Variants in SPTB observed in about 807,000 individuals in gnomAD.
The protein encoded by SPTB is spectrin beta chain, erythrocytic.
Under a neutral mutation model 256.2 loss-of-function variants are expected in SPTB, and 45 were observed. The observed-to-expected ratio is 0.18, with a 90% CI of 0.14 to 0.23. The LOEUF is 0.23. Ranked by LOEUF, SPTB falls within the 10% of genes least tolerant of loss-of-function variation. The pLI is 1.00. For synonymous variants in SPTB, 1,231 were observed against 1,243.1 expected (o/e 0.99, Z 0.21); for missense variants, 2,715 against 3,040.4 (o/e 0.89, Z 2.52).
At chr14:64,766,504 C>A in intron 32 of SPTB, 1 of 1,455,076 alleles carries the variant, frequency 6.9e-7, no homozygotes, top group East Asian at 2.5e-5. Context: ...CCTGTTTCCT[C>A]TGCGCTGTGG....
rs1024221203 is a variant in SPTB at position 64,822,929 on chromosome 14, T to C, written c.148+18A>G. ...GACTGTGAGAATGCCCTCCAACCCT[T>C]GTGGCCCCAAACAGTACCTGCCAAG... is the stretch of plus-strand genomic sequence containing the variant. On this transcript the variant is annotated intron_variant, in intron 2 of 35. Transcript: ENST00000644917. 1 of 1,612,830 alleles carries C rather than the reference T, an allele frequency of 6.2e-7. No individual in the cohort carries two copies. The highest frequency in any genetic ancestry group is 1.7e-5 in the Admixed American group (1 of 60,030).
chr14:64,766,634 T>C, intron 32 of SPTB, 92 bp downstream of exon 32: 5 of 1,611,836 alleles, frequency 3.1e-6, no homozygotes, highest in Non-Finnish European at 4.2e-6. Context: ...CGCCAGCTCA[T>C]CTCGCCTCCA....
chr14:64,815,773 C>T (rs2083180753), intron 2 of SPTB, among the ~76,000 whole-genome samples: 1 of 152,176 alleles, frequency 6.6e-6, no homozygotes, highest in African/African-American at 2.4e-5. Context: ...TAAAGAGGCA[C>T]ATTGTCAACA....
At chr14:64,857,113 C>T (rs2083886091) in intron 1 of SPTB, among the ~76,000 whole-genome samples, 1 of 152,116 alleles carries the variant, frequency 6.6e-6, no homozygotes, top group African/African-American at 2.4e-5. Context: ...CAGCATGTGA[C>T]CGCAATACAC....
At chr14:64,767,181 CGAGG>C in intron 31 of SPTB, 118 bp downstream of exon 31, 1 of 1,299,998 alleles carries the variant, frequency 7.7e-7, no homozygotes, top group Non-Finnish European at 1.1e-6. Flanking sequence ...GCCTTCCTGA[CGAGG>C]GTGCCCAGTG....
intron 1 of SPTB, among the ~76,000 whole-genome samples, chr14:64,834,095 C>T (rs1420753780): frequency 6.6e-6 from 1 of 152,132 alleles, no homozygotes; most frequent in South Asian, 2.1e-4. Flanking sequence ...GGCGCTATCT[C>T]GGCTCACTGC....
rs373275374 is a variant in SPTB at position 64,786,379 on chromosome 14, G to A, written c.3561+25C>T. The A allele has an allele frequency of 1.9e-6, 3 of 1,613,700 alleles. No individual in the cohort carries two copies. Among genetic ancestry groups the A allele is most frequent in the African/African-American group, 1.3e-5 (1 of 75,034 alleles). ...AGCTACTGCCCTGAGAGACCCGCCT[G>A]TCCCAGCCCTGAATGCCTCTCTACC... is the stretch of plus-strand genomic sequence containing the variant. On this transcript the variant is annotated intron_variant, in intron 16 of 35. Transcript: ENST00000644917. This position sits in a 1 kb window ranked among gnomAD's most constrained non-coding sequence, Gnocchi z 5.6.
rs2082290280 is a variant in SPTB at position 64,772,407 on chromosome 14, A to G, written c.5553+173T>C. Among the ~76,000 whole-genome samples, 1 of 152,186 alleles carries G rather than the reference A, an allele frequency of 6.6e-6. No individual in the cohort carries two copies. Among genetic ancestry groups the G allele is most frequent in the African/African-American group, 2.4e-5 (1 of 41,438 alleles). Reference sequence around the variant, plus strand: ...GATTCAGTTTAAAGAATGACTTCTGAAGCTAAGGAACATCTGAAAGCCACT... The same window carrying G: ...GATTCAGTTTAAAGAATGACTTCTGGAGCTAAGGAACATCTGAAAGCCACT... On this transcript the variant is annotated intron_variant, in intron 26 of 35. Transcript: ENST00000644917. This position sits in a 1 kb window ranked among gnomAD's most constrained non-coding sequence, Gnocchi z 5.4.
At chr14:64,797,670 G>A in intron 10 of SPTB, 59 bp downstream of exon 10, 1 of 1,281,294 alleles carries the variant, frequency 7.8e-7, no homozygotes, top group Non-Finnish European at 1.1e-6. Flanking sequence ...CATTCACTGT[G>A]TCCTTATCGG....
Position 64,853,109 on chromosome 14 carries a change from G to A in SPTB, c.-52+26683C>T, listed in dbSNP as rs1188454222. Among the ~76,000 whole-genome samples, 1 of 152,144 alleles carries A rather than the reference G, an allele frequency of 6.6e-6. No homozygotes were observed. Among genetic ancestry groups the A allele is most frequent in the African/African-American group, 2.4e-5 (1 of 41,414 alleles). ...CAAATAAGAGACAGGCAAAGAATGGGGAAAGAGCATGTGCAAAGCCAACAG... is the reference window on the plus strand; with the variant it reads ...CAAATAAGAGACAGGCAAAGAATGGAGAAAGAGCATGTGCAAAGCCAACAG... On this transcript the variant is annotated intron_variant, in intron 1 of 35. Coordinates refer to ENST00000644917, the MANE Select transcript of SPTB (RefSeq NM_001355436.2). The surrounding 1 kb of genome is among the most constrained non-coding windows in gnomAD (Gnocchi z 4.3).
chr14:64,832,908 C>T (rs575499249), intron 1 of SPTB, among the ~76,000 whole-genome samples: 11 of 152,310 alleles, frequency 7.2e-5, no homozygotes, highest in Admixed American at 7.2e-4. Flanking sequence ...GCCTACTAAA[C>T]TAGCCCATTT....
intron 2 of SPTB, among the ~76,000 whole-genome samples, chr14:64,809,067 C>T (rs995745855): frequency 2.6e-5 from 4 of 151,746 alleles, no homozygotes; most frequent in Admixed American, 2.6e-4. Context: ...TTGAGACCAG[C>T]TTGGCCAACA....
At chr14:64,869,695 C>A (rs985061641) in intron 1 of SPTB, among the ~76,000 whole-genome samples, 1 of 149,224 alleles carries the variant, frequency 6.7e-6, no homozygotes, top group Non-Finnish European at 1.5e-5. Flanking sequence ...AATCATGGCT[C>A]ACTGCAGCCT....
At chr14:64,801,622 G>A in intron 6 of SPTB, 132 bp downstream of exon 6, 1 of 1,011,240 alleles carries the variant, frequency 9.9e-7, no homozygotes, top group Non-Finnish European at 1.6e-6. Context: ...AAGGTGCTAT[G>A]GGCTGCTGAA....
intron 1 of SPTB, among the ~76,000 whole-genome samples, chr14:64,836,813 G>T (rs151233857): frequency 1.3e-4 from 20 of 152,338 alleles, no homozygotes; most frequent in Middle Eastern, 3.4e-3. Context: ...TGGAACAGAT[G>T]TAACTATCCA....
intron 1 of SPTB, among the ~76,000 whole-genome samples, chr14:64,832,427 C>T (rs11622962): frequency 0.065 from 9,936 of 152,230 alleles, 429 homozygotes; most frequent in Non-Finnish European, 0.1. Context: ...GTGGGCTACT[C>T]TTCCTTGGCC....
In SPTB at chr14:64,824,381, C is replaced by T. The variant is rs910547034; in HGVS notation, c.-51-1236G>A. Among the ~76,000 whole-genome samples, 1 of 151,956 alleles carries T rather than the reference C, an allele frequency of 6.6e-6. No individual in the cohort carries two copies. The highest frequency in any genetic ancestry group is 2.4e-5 in the African/African-American group (1 of 41,374). On this transcript the variant is annotated intron_variant, in intron 1 of 35. Transcript: ENST00000644917. The surrounding 1 kb of genome is among the most constrained non-coding windows in gnomAD (Gnocchi z 5.7). ...AGAACTTTAAGAAGTAACGGGAAGG[C>T]AGGGGTGGAGTCAGGGGAGAAAAGT...
At position 64,795,531 on chromosome 14, in the gene SPTB, G is replaced by C; in HGVS notation, c.1450C>G (p.Leu484Val). ...TTCTCTTTCTCCAGCTCCTGAGCCA[G>C]GTCCTCCAGGGCTCTCACCCGCTCC... ...YEERVRALED[L>V]AQELEKENYH... Residue 484 changes from leucine (L) to valine (V), a missense_variant, in exon 12 of 36, where the codon CTG becomes GTG. By Grantham distance (32) the Leu-to-Val change is conservative. Transcript: ENST00000644917. The surrounding 1 kb of genome is among the most constrained non-coding windows in gnomAD (Gnocchi z 6.5). 1 of 1,614,194 alleles carries C rather than the reference G, an allele frequency of 6.2e-7. No homozygotes were observed. The highest frequency in any genetic ancestry group is 8.5e-7 in the Non-Finnish European group (1 of 1,180,042).
chr14:64,873,265 G>A lies in SPTB; in HGVS notation c.-52+6527C>T, dbSNP rs1056826327. Among the ~76,000 whole-genome samples the A allele has an allele frequency of 1.3e-5, 2 of 152,062 alleles. No homozygotes were observed. Among genetic ancestry groups the A allele is most frequent in the East Asian group, 3.8e-4 (2 of 5,196 alleles). ...CCCCCAACTACAATGTGCACTCTAC[G>A]ACTTCAGACATTTTTGCCACATTCA... On this transcript the variant is annotated intron_variant, in intron 1 of 35. Coordinates refer to ENST00000644917, the MANE Select transcript of SPTB (RefSeq NM_001355436.2). The surrounding 1 kb of genome is among the most constrained non-coding windows in gnomAD (Gnocchi z 4.3).
Sources: gnomAD v4.1 joint callset for allele counts (sites outside exome capture counted in the v4.1 genomes callset) on GRCh38, gnomAD v4.1.1 for gene constraint, Gnocchi (gnomAD v3.1) non-coding constraint, MANE v1.5 for transcripts, NCBI Gene and HGNC (gene_info 2026-07-23, HGNC 2026-07-21) for gene names.